MAP3K2: variants seen among roughly 807,000 people sequenced by gnomAD.
MAP3K2 encodes MAP/ERK kinase kinase 2.
Under a neutral mutation model 80.3 loss-of-function variants are expected in MAP3K2, and 24 were observed. The ratio of observed to expected loss-of-function variants is 0.30; its 90% CI spans 0.22 to 0.42. MAP3K2 has a LOEUF of 0.42. Ranked by LOEUF, MAP3K2 falls within the 10% of genes least tolerant of loss-of-function variation. The pLI is 1.00. For missense variants in MAP3K2, 608 were observed against 750.1 expected (o/e 0.81, Z 2.21); for synonymous variants, 244 against 253.7 (o/e 0.96, Z 0.36).
intron 1 of MAP3K2, among the ~76,000 whole-genome samples, chr2:127,355,201 T>A (rs1686776030): frequency 6.6e-6 from 1 of 152,124 alleles, no homozygotes; most frequent in Non-Finnish European, 1.5e-5. Flanking sequence ...AAACTCTTTA[T>A]GAACCCAAGG....
chr2:127,378,123 A>T lies in MAP3K2; in HGVS notation c.-66+9329T>A, dbSNP rs1687180886. The T allele has an allele frequency of 8.2e-6, 8 of 970,426 alleles. No homozygotes were observed. In the South Asian group the frequency reaches 3.8e-4, roughly 46 times the overall value. The allele number at this position is 970,426 out of a possible 1,614,324, so 60.1% of individuals were successfully genotyped here. On this transcript the variant is annotated intron_variant, in intron 1 of 16. Transcript: ENST00000682094. ...TTTACCAGAATGCAAAGATACTGAG[A>T]GAAGATGACAGACATGGAAAATGGA...
rs1321580754 is a variant in MAP3K2, at chr2:127,322,896, G to A, written c.839-644C>T. 1.3e-5 allele frequency among the ~76,000 whole-genome samples: 2 copies of A among 151,286 alleles called. No individual in the cohort carries two copies. Among genetic ancestry groups the A allele is most frequent in the African/African-American group, 4.8e-5 (2 of 41,356 alleles). On this transcript the variant is annotated intron_variant, in intron 11 of 16. Coordinates refer to ENST00000682094, the MANE Select transcript of MAP3K2 (RefSeq NM_001371910.2). This position sits in a 1 kb window ranked among gnomAD's most constrained non-coding sequence, Gnocchi z 4.2. Reference sequence around the variant, plus strand: ...AGGCATGAGCCACCGCACCTGGCCAGTAATTTTTTTTCTTAAAGGGATGAT... The same window carrying A: ...AGGCATGAGCCACCGCACCTGGCCAATAATTTTTTTTCTTAAAGGGATGAT...
chr2:127,362,466 C>T (rs1034229308), intron 1 of MAP3K2, among the ~76,000 whole-genome samples: 1 of 152,114 alleles, frequency 6.6e-6, no homozygotes, highest in African/African-American at 2.4e-5. Flanking sequence ...ACTGAGAATG[C>T]GGGGGAATTT....
At chr2:127,378,037 A>C (rs1186891945) in intron 1 of MAP3K2, 2 of 242,876 alleles carry the variant, frequency 8.2e-6, no homozygotes, top group African/African-American at 4.6e-5. Flanking sequence ...TTTTTAATAG[A>C]TACTAGAGGG....
chr2:127,380,341 T>C (rs1484808878), intron 1 of MAP3K2, among the ~76,000 whole-genome samples: 1 of 152,244 alleles, frequency 6.6e-6, no homozygotes, highest in Non-Finnish European at 1.5e-5. Flanking sequence ...AATTTGAGAA[T>C]GATCCAAAGA....
Position 127,317,716 on chromosome 2 carries a change from C to A in MAP3K2, c.1239G>T (p.Leu413Phe), listed in dbSNP as rs1393586813. 6.2e-7 allele frequency: 1 copy of A among 1,601,316 alleles called. No homozygotes were observed. The change falls in exon 14 of 17, where the codon TTG becomes TTT. Residue 413 changes from leucine to phenylalanine, a missense_variant. Leu to Phe is a conservative substitution (Grantham distance 22). This residue lies in a region of MAP3K2 where 467 missense variants were observed against 521.9 expected (regional missense o/e 0.89). Coordinates refer to ENST00000682094, the MANE Select transcript of MAP3K2 (RefSeq NM_001371910.2). ...LECEIQLLKN[L>F]LHERIVQYYG... ...AATACTGAACAATTCGCTCATGTAGCAAGTTTTTCAGCAACTGAATTTCAC... is the reference window on the plus strand; with the variant it reads ...AATACTGAACAATTCGCTCATGTAGAAAGTTTTTCAGCAACTGAATTTCAC...
chr2:127,350,719 T>G (rs1181253367), intron 1 of MAP3K2, among the ~76,000 whole-genome samples: 1 of 151,192 alleles, frequency 6.6e-6, no homozygotes, highest in Non-Finnish European at 1.5e-5. Flanking sequence ...ACACACCATC[T>G]CCAAAAAATA....
intron 12 of MAP3K2, among the ~76,000 whole-genome samples, chr2:127,319,725 G>A (rs1685979802): frequency 6.8e-6 from 1 of 147,574 alleles, no homozygotes; most frequent in African/African-American, 2.5e-5. Flanking sequence ...CGCAATCCCA[G>A]CTACTCGGGA....
intron 14 of MAP3K2, among the ~76,000 whole-genome samples, chr2:127,315,114 A>G (rs1573978807): frequency 6.6e-6 from 1 of 152,246 alleles, no homozygotes; most frequent in African/African-American, 2.4e-5. Flanking sequence ...CAGAGATTTT[A>G]AAGTTTTTTT....
chr2:127,357,253 G>A (rs752787128), intron 1 of MAP3K2, among the ~76,000 whole-genome samples: 12 of 152,202 alleles, frequency 7.9e-5, no homozygotes, highest in Non-Finnish European at 1.8e-4. Flanking sequence ...AGCCAATACT[G>A]TGAAAACTGA....
rs62156833 is a variant in MAP3K2, at chr2:127,362,693, C to T, written c.-65-19499G>A. Among the ~76,000 whole-genome samples, 8 of 150,808 alleles carry T rather than the reference C, an allele frequency of 5.3e-5. No homozygotes were observed. The East Asian group carries it at 6.2e-4, about 12-fold the overall frequency. On this transcript the variant is annotated intron_variant, in intron 1 of 16. Transcript: ENST00000682094. ...AAAACATCACTCAACTGTTTATGGA[C>T]GATAATTAGCAATAACGGCTGTCAG...
chr2:127,331,497 G>A (rs1197897301), intron 5 of MAP3K2, among the ~76,000 whole-genome samples: 2 of 152,174 alleles, frequency 1.3e-5, no homozygotes, highest in Admixed American at 6.5e-5. Flanking sequence ...AGACAACCTG[G>A]TAAATGCTGT....
chr2:127,354,853 GGGAAGATGCTAAGTGGAGGCAT>G (rs1216132579), intron 1 of MAP3K2, among the ~76,000 whole-genome samples: 1 of 151,946 alleles, frequency 6.6e-6, no homozygotes, highest in Non-Finnish European at 1.5e-5. Flanking sequence ...AGCAGATAGA[GGGAAGATGCTAAGTGGAGGCAT>G]GGAAGATGTT....
rs1347114898 is a variant in MAP3K2, at chr2:127,302,051, T to C, written c.*5528A>G. On this transcript the variant is annotated 3_prime_UTR_variant, in exon 17 of 17. Coordinates refer to ENST00000682094, the MANE Select transcript of MAP3K2 (RefSeq NM_001371910.2). ...CCAACCAAAAAGAGGTACAAGAGAATTTCCTTGTGAATACTTGGTAAGCTA... is the reference window on the plus strand; with the variant it reads ...CCAACCAAAAAGAGGTACAAGAGAACTTCCTTGTGAATACTTGGTAAGCTA... The C allele has an allele frequency of 1.3e-5, 2 of 152,190 alleles. No homozygotes were observed. The highest frequency in any genetic ancestry group is 4.1e-4 in the South Asian group (2 of 4,822). 9.4% of individuals were successfully genotyped at this position (152,190 alleles called of 1,614,324 possible).
intron 1 of MAP3K2, among the ~76,000 whole-genome samples, chr2:127,384,615 TA>T (rs1687312494): frequency 6.6e-6 from 1 of 151,516 alleles, no homozygotes; most frequent in Non-Finnish European, 1.5e-5. Flanking sequence ...GAAGCAGAGC[TA>T]AAACTTGAAC....
Position 127,303,780 on chromosome 2 carries a change from T to A in MAP3K2, c.*3799A>T, listed in dbSNP as rs1685643151. 1.3e-5 allele frequency: 2 copies of A among 152,152 alleles called. No individual in the cohort carries two copies. The highest frequency in any genetic ancestry group is 1.9e-4 in the East Asian group (1 of 5,194). The allele number at this position is 152,152 out of a possible 1,614,324, so 9.4% of individuals were successfully genotyped here. On this transcript the variant is annotated 3_prime_UTR_variant, in exon 17 of 17. Transcript: ENST00000682094. ...TTAATTGACACCAGGTGATTTTATATCAAGCTATCAGTTCCCAGACTCCAA... is the reference window on the plus strand; with the variant it reads ...TTAATTGACACCAGGTGATTTTATAACAAGCTATCAGTTCCCAGACTCCAA...
In MAP3K2 at chr2:127,376,432, A is replaced by G. The variant is rs557870129; in HGVS notation, c.-66+11020T>C. Among the ~76,000 whole-genome samples, 354 of 152,274 alleles carry G rather than the reference A, an allele frequency of 2.3e-3. 1 individual carries two copies. The highest frequency in any genetic ancestry group is 7.7e-3 in the African/African-American group (321 of 41,550). ...GGCAGCGCAGGCTTGTCAGGGCCGC[A>G]GCTGCTGACTCTTTACAGCACCCTC... On this transcript the variant is annotated intron_variant, in intron 1 of 16. Coordinates refer to ENST00000682094, the MANE Select transcript of MAP3K2 (RefSeq NM_001371910.2).
intron 1 of MAP3K2, among the ~76,000 whole-genome samples, chr2:127,356,616 G>A (rs1418929798): frequency 1.3e-5 from 2 of 152,228 alleles, no homozygotes; most frequent in African/African-American, 4.8e-5. Context: ...GCCTCCCAAA[G>A]TGTTGAGATT....
chr2:127,385,262 A>C (rs766177111), intron 1 of MAP3K2, among the ~76,000 whole-genome samples: 1 of 152,328 alleles, frequency 6.6e-6, no homozygotes. Flanking sequence ...AAACTTCAAC[A>C]ACCACCCCTT....
Sources: gnomAD v4.1 joint callset for allele counts (sites outside exome capture counted in the v4.1 genomes callset) on GRCh38, gnomAD v4.1.1 for gene constraint, gnomAD v4.1.1 regional missense constraint, Gnocchi (gnomAD v3.1) non-coding constraint, MANE v1.5 for transcripts, NCBI Gene and HGNC (gene_info 2026-07-23, HGNC 2026-07-21) for gene names.